POLD3: variants seen among roughly 807,000 people sequenced by gnomAD.
POLD3 encodes DNA polymerase delta subunit 3.
In POLD3, 19 loss-of-function variants were observed where a neutral mutation model predicts 58.2. The observed-to-expected ratio is 0.33, with a 90% CI of 0.23 to 0.48. The LOEUF is 0.48. Among genes scored for constraint, POLD3 ranks in the 20% least tolerant of loss-of-function variants. The pLI is 0.99. For missense variants in POLD3, 504 were observed against 545.5 expected (o/e 0.92, Z 0.76); for synonymous variants, 172 against 193.5 (o/e 0.89, Z 0.92).
intron 4 of POLD3, among the ~76,000 whole-genome samples, chr11:74,656,752 T>C (rs1312834170): frequency 1.3e-5 from 2 of 151,954 alleles, no homozygotes; most frequent in Non-Finnish European, 1.5e-5. Context: ...GGGTTTTTTT[T>C]TTTTTTTTAA....
At chr11:74,628,992 C>G in intron 8 of POLD3, 1 of 355,390 alleles carries the variant, frequency 2.8e-6, no homozygotes, top group Admixed American at 4.6e-5. Flanking sequence ...CCAGCAGTCT[C>G]TAGAGAACTC....
rs2031960052 is a variant in POLD3 at position 74,612,870 on chromosome 11, A to T, written c.260-8A>T. 6.2e-7 allele frequency: 1 copy of T among 1,603,680 alleles called. No homozygotes were observed. The highest frequency in any genetic ancestry group is 8.5e-7 in the Non-Finnish European group (1 of 1,176,826). ...TATTAACTGACTGCTTTTCCTGTTG[A>T]CTTGTAGCAGTGAAGTCCAAGCTAG... On this transcript the variant is annotated splice_region_variant and splice_polypyrimidine_tract_variant and intron_variant, in intron 4 of 11. Coordinates refer to ENST00000263681, the MANE Select transcript of POLD3 (RefSeq NM_006591.3).
At chr11:74,621,774 C>T (rs537484256) in intron 7 of POLD3, among the ~76,000 whole-genome samples, 19 of 152,110 alleles carry the variant, frequency 1.2e-4, no homozygotes, top group African/African-American at 4.1e-4. Flanking sequence ...CCCAGCTACT[C>T]GGGAGACCGA....
chr11:74,629,630 C>T (rs2032533857), intron 9 of POLD3, among the ~76,000 whole-genome samples: 1 of 148,460 alleles, frequency 6.7e-6, no homozygotes, highest in African/African-American at 2.5e-5. Flanking sequence ...CTTTAGCTAC[C>T]TTCATGTGAA....
At chr11:74,648,071 T>C (rs2135191439), downstream of POLD3, among the ~76,000 whole-genome samples, 1 of 152,296 alleles carries the variant, frequency 6.6e-6, no homozygotes, top group Non-Finnish European at 1.5e-5. Context: ...TAATGAAAAG[T>C]TAGAGAAACT....
At chr11:74,610,596 GT>G (rs1196008988) in intron 3 of POLD3, among the ~76,000 whole-genome samples, 1 of 150,840 alleles carries the variant, frequency 6.6e-6, no homozygotes, top group East Asian at 1.9e-4. Flanking sequence ...GTAAGTTGCA[GT>G]TTTTTTCCGC....
At chr11:74,600,792 A>G (rs762556259) in intron 2 of POLD3, among the ~76,000 whole-genome samples, 22 of 130,932 alleles carry the variant, frequency 1.7e-4, no homozygotes, top group Non-Finnish European at 3.1e-4. Context: ...ATCCCAGCTC[A>G]CTGCAACCTC....
In POLD3 at chr11:74,641,605, A is replaced by G. The variant is rs750377207; in HGVS notation, c.*839A>G. On this transcript the variant is annotated 3_prime_UTR_variant, in exon 12 of 12. Transcript: ENST00000263681. ...GTTGATCCCCTCCTCCCCCACTCTC[A>G]ATACCTAGAGAGTGAAACCCGTACA... The G allele has an allele frequency of 3.0e-6, 3 of 985,326 alleles. No individual in the cohort carries two copies. The highest frequency in any genetic ancestry group is 3.6e-6 in the Non-Finnish European group (3 of 829,896). The allele number at this position is 985,326 out of a possible 1,614,324, so 61.0% of individuals were successfully genotyped here. A position where few individuals can be genotyped will look rare whatever the true frequency, so the allele number is the denominator to read the frequency against.
intron 2 of POLD3, among the ~76,000 whole-genome samples, chr11:74,600,621 G>A (rs866292071): frequency 7.3e-5 from 11 of 151,134 alleles, no homozygotes; most frequent in Middle Eastern, 3.4e-3. Context: ...GCGACAGAGC[G>A]ATACTCTATC....
chr11:74,659,093 T>A (rs2135198866), intron 4 of POLD3, among the ~76,000 whole-genome samples: 1 of 152,252 alleles, frequency 6.6e-6, no homozygotes, highest in Non-Finnish European at 1.5e-5. Flanking sequence ...CCATACATCT[T>A]CTGAAATCTA....
intron 4 of POLD3, among the ~76,000 whole-genome samples, chr11:74,667,342 T>C (rs1277252370): frequency 6.6e-6 from 1 of 152,126 alleles, no homozygotes; most frequent in African/African-American, 2.4e-5. Flanking sequence ...GAGACCATCC[T>C]GGCTAACACA....
chr11:74,655,672 AG>A (rs1229068691), intron 4 of POLD3, among the ~76,000 whole-genome samples: 7 of 150,228 alleles, frequency 4.7e-5, no homozygotes, highest in African/African-American at 9.8e-5. Context: ...AAAAAAAAAA[AG>A]AACACTTTTC....
intron 7 of POLD3, among the ~76,000 whole-genome samples, chr11:74,621,398 C>T (rs1227679812): frequency 6.7e-6 from 1 of 149,916 alleles, no homozygotes; most frequent in Non-Finnish European, 1.5e-5. Flanking sequence ...AACCACCGCC[C>T]CCGACCCCCC....
chr11:74,651,052 G>C (rs2033062717), intron 4 of POLD3, among the ~76,000 whole-genome samples: 1 of 152,226 alleles, frequency 6.6e-6, no homozygotes, highest in Admixed American at 6.5e-5. Flanking sequence ...TCTGTCTACA[G>C]AGCACCTCTT....
chr11:74,655,914 T>C (rs1280881840), intron 4 of POLD3, among the ~76,000 whole-genome samples: 1 of 152,126 alleles, frequency 6.6e-6, no homozygotes, highest in East Asian at 1.9e-4. Context: ...GGCATAAAAC[T>C]GTATTTTCAA....
At chr11:74,593,428 A>C (rs2031107010) in intron 1 of POLD3, among the ~76,000 whole-genome samples, 1 of 152,202 alleles carries the variant, frequency 6.6e-6, no homozygotes, top group Admixed American at 6.5e-5. Flanking sequence ...GCTTTCTTCT[A>C]CATCACACTG....
downstream of POLD3, among the ~76,000 whole-genome samples, chr11:74,644,436 T>C (rs1355312949): frequency 6.6e-6 from 1 of 152,230 alleles, no homozygotes; most frequent in Non-Finnish European, 1.5e-5. Context: ...CTCTGTAAAT[T>C]AGCCCATGCT....
chr11:74,601,795 G>A (rs556033084), intron 2 of POLD3, among the ~76,000 whole-genome samples: 4 of 152,056 alleles, frequency 2.6e-5, no homozygotes, highest in African/African-American at 4.8e-5. Flanking sequence ...AAAAAAAGAT[G>A]TGCCCTGGTG....
intron 8 of POLD3, 141 bp downstream of exon 8, chr11:74,625,714 T>C: frequency 1.6e-6 from 1 of 607,544 alleles, no homozygotes; most frequent in Non-Finnish European, 2.8e-6. Flanking sequence ...ACAACCAAAA[T>C]GGAAAGAGAA....
Sources: gnomAD v4.1 joint callset for allele counts (sites outside exome capture counted in the v4.1 genomes callset) on GRCh38, gnomAD v4.1.1 for gene constraint, MANE v1.5 for transcripts, NCBI Gene and HGNC (gene_info 2026-07-23, HGNC 2026-07-21) for gene names.